Variants in NRF1 observed in about 807,000 individuals in gnomAD.
NRF1 encodes the protein nuclear respiratory factor 1.
A neutral mutation model predicts 58.5 loss-of-function variants in NRF1; 5 were observed. The observed-to-expected ratio is 0.09, with a 90% confidence interval of 0.04 to 0.18. NRF1 has a LOEUF of 0.18. NRF1 is among the 10% of genes least tolerant of loss of function. The pLI, the probability that NRF1 is intolerant of heterozygous loss-of-function variation, is 1.00. For synonymous variants in NRF1, 224 were observed against 246.7 expected, an observed-to-expected ratio of 0.91 and a Z score of 0.86; for missense variants, 288 against 657.7, an observed-to-expected ratio of 0.44 and a Z score of 6.15.
At chr7:129,707,602 T>C (rs575393749) in intron 5 of NRF1, among the ~76,000 whole-genome samples, 4 of 152,306 alleles carry the variant, frequency 2.6e-5, no homozygotes, top group Admixed American at 6.5e-5. Context: ...AGATGTACTT[T>C]CTTAAAATAA....
chr7:129,654,053 T>C (rs1354786260), intron 1 of NRF1, among the ~76,000 whole-genome samples: 1 of 152,210 alleles, frequency 6.6e-6, no homozygotes, highest in African/African-American at 2.4e-5. Flanking sequence ...TGCCACACTG[T>C]CTTCCAAAGT....
chr7:129,717,015 C>T (rs1488521223), intron 8 of NRF1, among the ~76,000 whole-genome samples: 1 of 152,156 alleles, frequency 6.6e-6, no homozygotes, highest in Non-Finnish European at 1.5e-5. Flanking sequence ...CATGCAAATG[C>T]AAGCAAATTC....
intron 2 of NRF1, among the ~76,000 whole-genome samples, chr7:129,662,879 T>A (rs1801818752): frequency 6.6e-6 from 1 of 152,034 alleles, no homozygotes; most frequent in Non-Finnish European, 1.5e-5. Flanking sequence ...AGGTCTCTGG[T>A]TTTCCTAGGC....
chr7:129,699,195 G>C (rs1802762987), intron 5 of NRF1, among the ~76,000 whole-genome samples: 1 of 152,114 alleles, frequency 6.6e-6, no homozygotes, highest in Admixed American at 6.5e-5. Context: ...TCAGCAGAGT[G>C]GTTGCTTCAT....
intron 5 of NRF1, among the ~76,000 whole-genome samples, chr7:129,696,226 C>T (rs1025773509): frequency 6.6e-6 from 1 of 152,000 alleles, no homozygotes; most frequent in African/African-American, 2.4e-5. Context: ...CCTGGGGCAA[C>T]AAGAGCGAAA....
chr7:129,730,007 T>C (rs1250045593), intron 10 of NRF1, among the ~76,000 whole-genome samples: 1 of 151,914 alleles, frequency 6.6e-6, no homozygotes, highest in Non-Finnish European at 1.5e-5. Context: ...GCCCAGATAA[T>C]TTTTGTGTTT....
chr7:129,722,340 G>A (rs1277561850), intron 9 of NRF1, among the ~76,000 whole-genome samples: 6 of 150,320 alleles, frequency 4.0e-5, no homozygotes, highest in Non-Finnish European at 7.4e-5. Context: ...GCAGTGAGCC[G>A]AGATCACACC....
intron 1 of NRF1, among the ~76,000 whole-genome samples, chr7:129,635,689 T>A (rs1469881735): frequency 6.6e-6 from 1 of 152,198 alleles, no homozygotes; most frequent in Non-Finnish European, 1.5e-5. Context: ...TTCTGCCTGC[T>A]CGTTTAAGTC....
chr7:129,695,474 G>A (rs951267044), intron 5 of NRF1, among the ~76,000 whole-genome samples: 11 of 151,738 alleles, frequency 7.2e-5, no homozygotes, highest in Non-Finnish European at 1.6e-4. Context: ...TACTCGGGAG[G>A]CTGAGGCAGA....
At chr7:129,688,094 C>T (rs1049939270) in intron 4 of NRF1, among the ~76,000 whole-genome samples, 2 of 152,012 alleles carry the variant, frequency 1.3e-5, no homozygotes, top group African/African-American at 4.8e-5. Flanking sequence ...TTTTGAATGC[C>T]AGGTGTTTCT....
intron 1 of NRF1, among the ~76,000 whole-genome samples, chr7:129,638,437 T>C (rs1801217594): frequency 6.6e-6 from 1 of 152,294 alleles, no homozygotes; most frequent in East Asian, 1.9e-4. Flanking sequence ...TGAGCAGCTT[T>C]TGGTGGTTTG....
chr7:129,747,859 G>A (rs1804016304), intron 10 of NRF1, among the ~76,000 whole-genome samples: 1 of 152,182 alleles, frequency 6.6e-6, no homozygotes, highest in Admixed American at 6.5e-5. Context: ...TTGGTCTGTG[G>A]AGGGCAAGAC....
intron 9 of NRF1, among the ~76,000 whole-genome samples, chr7:129,722,321 G>A (rs1312275950): frequency 1.3e-5 from 2 of 151,336 alleles, no homozygotes; most frequent in Non-Finnish European, 2.9e-5. Flanking sequence ...AACCTGGGAG[G>A]CGGAGGTTGC....
intron 1 of NRF1, among the ~76,000 whole-genome samples, chr7:129,649,737 T>C (rs1801494051): frequency 6.6e-6 from 1 of 152,138 alleles, no homozygotes; most frequent in Non-Finnish European, 1.5e-5. Context: ...GTTTATATTA[T>C]AAAGAAGGAC....
chr7:129,634,869 G>C (rs567938621), intron 1 of NRF1, among the ~76,000 whole-genome samples: 1 of 152,178 alleles, frequency 6.6e-6, no homozygotes, highest in African/African-American at 2.4e-5. Context: ...CCCTGTGATA[G>C]GATTACAAGT....
At chr7:129,654,761 C>G (rs868720180) in intron 1 of NRF1, among the ~76,000 whole-genome samples, 1 of 152,212 alleles carries the variant, frequency 6.6e-6, no homozygotes, top group African/African-American at 2.4e-5. Context: ...CAGAGATCAG[C>G]TGGCTCTATT....
chr7:129,705,182 A>C (rs775410165), intron 5 of NRF1, among the ~76,000 whole-genome samples: 2 of 152,198 alleles, frequency 1.3e-5, no homozygotes, highest in Admixed American at 1.3e-4. Flanking sequence ...TATACCTGCT[A>C]TCTCAGCCTC....
chr7:129,657,365 G>T lies in NRF1; in HGVS notation c.14G>T (p.Gly5Val). 6.2e-7 allele frequency: 1 copy of T among 1,613,996 alleles called. No individual in the cohort carries two copies. The highest frequency in any genetic ancestry group is 1.1e-5 in the South Asian group (1 of 91,080). The change falls in exon 2 of 11, where the codon GGA (glycine) becomes GTA (valine). Residue 5 changes from glycine (G) to valine (V), a missense_variant. Coordinates refer to ENST00000393232, the MANE Select transcript of NRF1 (RefSeq NM_005011.5). MEEH[G>V]VTQTEHMATI... is the part of the protein sequence containing the mutation. ...CAGTAGAACTTCATGGAGGAACACG[G>T]AGTGACCCAAACCGAACATATGGCT...
At chr7:129,648,662 C>T (rs1474964047) in intron 1 of NRF1, among the ~76,000 whole-genome samples, 1 of 152,060 alleles carries the variant, frequency 6.6e-6, no homozygotes, top group East Asian at 1.9e-4. Flanking sequence ...CATTGTAATA[C>T]TGTTTCCATC....
Sources: allele counts gnomAD v4.1 joint callset (sites outside exome capture counted in the v4.1 genomes callset), GRCh38; gene constraint gnomAD v4.1.1; transcripts MANE v1.5; gene names NCBI Gene and HGNC (gene_info 2026-07-23, HGNC 2026-07-21).